PRKCH: variants seen among roughly 807,000 people sequenced by gnomAD.
PRKCH encodes protein kinase C eta type.
PRKCH carries 28 observed loss-of-function variants against 82.5 expected under a neutral mutation model. The observed-to-expected ratio is 0.34, with a 90% CI of 0.25 to 0.47. PRKCH has a LOEUF of 0.47. Among genes scored for constraint, PRKCH ranks in the 20% least tolerant of loss-of-function variants. PRKCH has a pLI of 1.00. For missense variants in PRKCH, 705 were observed against 881.8 expected, an observed-to-expected ratio of 0.80 and a Z score of 2.54; for synonymous variants, 322 against 327.4, an observed-to-expected ratio of 0.98 and a Z score of 0.18.
intron 1 of PRKCH, among the ~76,000 whole-genome samples, chr14:61,214,184 A>T (rs942111402): frequency 6.6e-6 from 1 of 152,124 alleles, no homozygotes; most frequent in South Asian, 2.1e-4. Context: ...CTGTTTAACC[A>T]TCGTATTTCT....
intron 1 of PRKCH, among the ~76,000 whole-genome samples, chr14:61,339,622 C>CTTTTT (rs757220300): frequency 1.3e-4 from 8 of 60,020 alleles, no homozygotes; most frequent in East Asian, 5.5e-4. Flanking sequence ...CAAGCCCGGC[C>CTTTTT]TTTTTTTTTT....
intron 2 of PRKCH, among the ~76,000 whole-genome samples, chr14:61,393,996 T>C (rs1043800678): frequency 1.3e-5 from 2 of 152,170 alleles, no homozygotes; most frequent in Non-Finnish European, 2.9e-5. Context: ...GGTGGGAGGG[T>C]TGGTCCATAT....
chr14:61,247,154 A>C (rs1163060873), intron 1 of PRKCH, among the ~76,000 whole-genome samples: 1 of 152,180 alleles, frequency 6.6e-6, no homozygotes, highest in East Asian at 1.9e-4. Flanking sequence ...AATCCTCCCC[A>C]ATATAGTATA....
At chr14:61,482,561 G>A (rs1036180769) in intron 9 of PRKCH, among the ~76,000 whole-genome samples, 1 of 152,126 alleles carries the variant, frequency 6.6e-6, no homozygotes, top group Non-Finnish European at 1.5e-5. Flanking sequence ...AGTCGTCGTC[G>A]TGTCTCAGCT....
intron 10 of PRKCH, among the ~76,000 whole-genome samples, chr14:61,489,073 G>T (rs777683762): frequency 2.6e-5 from 4 of 152,170 alleles, no homozygotes; most frequent in Non-Finnish European, 4.4e-5. Flanking sequence ...ATAAGACTTT[G>T]AAAGCCAAGT....
At chr14:61,188,279 C>T (rs928044928) in intron 1 of PRKCH, among the ~76,000 whole-genome samples, 6 of 152,188 alleles carry the variant, frequency 3.9e-5, no homozygotes, top group African/African-American at 9.6e-5. Flanking sequence ...GGAGGGGAGG[C>T]GGCCCAACTT....
At chr14:61,253,011 C>G (rs2044960218) in intron 1 of PRKCH, among the ~76,000 whole-genome samples, 1 of 152,128 alleles carries the variant, frequency 6.6e-6, no homozygotes, top group African/African-American at 2.4e-5. Context: ...TCGGCCTTAG[C>G]AGAAAAACAA....
At chr14:61,402,793 G>A (rs565907711) in intron 2 of PRKCH, among the ~76,000 whole-genome samples, 2 of 149,822 alleles carry the variant, frequency 1.3e-5, no homozygotes, top group Admixed American at 1.3e-4. Flanking sequence ...GCGAAACTCT[G>A]TCTCAAAAAA....
intron 9 of PRKCH, among the ~76,000 whole-genome samples, chr14:61,475,306 C>G (rs1429586478): frequency 6.6e-6 from 1 of 152,164 alleles, no homozygotes; most frequent in African/African-American, 2.4e-5. Flanking sequence ...AGTTGCTAAA[C>G]CTTTTTTAAA....
At chr14:61,373,934 T>C (rs149885816) in intron 1 of PRKCH, among the ~76,000 whole-genome samples, 2 of 152,230 alleles carry the variant, frequency 1.3e-5, no homozygotes, top group East Asian at 3.9e-4. Flanking sequence ...ATTGCAGCAT[T>C]AATGAGTCCG....
chr14:61,195,884 C>A (rs2044437648), intron 1 of PRKCH, among the ~76,000 whole-genome samples: 1 of 152,132 alleles, frequency 6.6e-6, no homozygotes, highest in Non-Finnish European at 1.5e-5. Flanking sequence ...CATATTTAAT[C>A]TTAATTACTT....
At chr14:61,288,254 A>C (rs892793201) in intron 1 of PRKCH, among the ~76,000 whole-genome samples, 3 of 152,108 alleles carry the variant, frequency 2.0e-5, no homozygotes, top group Non-Finnish European at 2.9e-5. Context: ...AAAACTAAAT[A>C]CAAATTAAAT....
intron 9 of PRKCH, among the ~76,000 whole-genome samples, chr14:61,469,602 G>T (rs977809859): frequency 6.6e-6 from 1 of 152,200 alleles, no homozygotes; most frequent in African/African-American, 2.4e-5. Flanking sequence ...AAATCATACA[G>T]TCTAAAAACC....
intron 1 of PRKCH, among the ~76,000 whole-genome samples, chr14:61,225,940 A>G (rs950517306): frequency 2.6e-5 from 4 of 152,170 alleles, no homozygotes; most frequent in African/African-American, 9.6e-5. Flanking sequence ...GGGTTTTGTC[A>G]TGTTGCCCAG....
rs537338581 is a variant in PRKCH at position 61,211,002 on chromosome 14, G to A, written c.-19+23334G>A. 4.6e-5 allele frequency among the ~76,000 whole-genome samples: 7 copies of A among 152,268 alleles called. No individual in the cohort carries two copies. In the East Asian group the frequency reaches 1.2e-3, roughly 25 times the overall value. On this transcript the variant is annotated intron_variant, in intron 1 of 3. Coordinates refer to the PRKCH transcript ENST00000555185. Reference sequence around the variant, plus strand: ...TGCTGTCTCTGCATCTTGTGTTGGGGCAGCAGTTGGGAATGAAAGCTGAAC... The same window carrying A: ...TGCTGTCTCTGCATCTTGTGTTGGGACAGCAGTTGGGAATGAAAGCTGAAC...
At chr14:61,255,306 C>G (rs1315961978) in intron 1 of PRKCH, among the ~76,000 whole-genome samples, 1 of 152,150 alleles carries the variant, frequency 6.6e-6, no homozygotes, top group African/African-American at 2.4e-5. Context: ...CTGGTCCTGG[C>G]CTTTACATTT....
At chr14:61,470,193 G>C (rs1031720219) in intron 9 of PRKCH, among the ~76,000 whole-genome samples, 1 of 151,854 alleles carries the variant, frequency 6.6e-6, no homozygotes. Flanking sequence ...GGCGTAGCTC[G>C]AGTCCTTGGT....
Position 61,194,204 on chromosome 14 carries a change from G to T in PRKCH, c.-19+6536G>T, listed in dbSNP as rs183873822. ...ATAAATATGCATCCTTGATGTATTA[G>T]AGTCTACTATAAATTAGTACCATTA... On this transcript the variant is annotated intron_variant, in intron 1 of 3. Coordinates refer to the PRKCH transcript ENST00000555185. 4.9e-3 allele frequency among the ~76,000 whole-genome samples: 740 copies of T among 152,128 alleles called. 2 individuals carry two copies. Among genetic ancestry groups the T allele is most frequent in the Non-Finnish European group, 5.8e-3 (393 of 68,006 alleles).
chr14:61,547,515 G>A, intron 12 of PRKCH, among the ~76,000 whole-genome samples: 1 of 152,288 alleles, frequency 6.6e-6, no homozygotes, highest in East Asian at 1.9e-4. Flanking sequence ...TCTTTTAGTG[G>A]CCATGTCTGA....
Sources: gnomAD v4.1 joint callset for allele counts (sites outside exome capture counted in the v4.1 genomes callset) on GRCh38, gnomAD v4.1.1 for gene constraint, MANE v1.5 for transcripts, NCBI Gene and HGNC (gene_info 2026-07-23, HGNC 2026-07-21) for gene names.